DYNC2I1: variants seen among roughly 807,000 people sequenced by gnomAD.
The protein encoded by DYNC2I1 is cytoplasmic dynein 2 intermediate chain 1.
In DYNC2I1, 89 loss-of-function variants were observed where a neutral mutation model predicts 133.4. The ratio of observed to expected loss-of-function variants is 0.67; its 90% CI spans 0.56 to 0.80. The LOEUF (loss-of-function observed/expected upper bound fraction) is 0.80, where lower values mean the gene tolerates loss of function less well. Among genes scored for constraint, DYNC2I1 ranks in the 30% least tolerant of loss-of-function variants. DYNC2I1 has a pLI of 0.00. For missense variants in DYNC2I1, 1,291 were observed against 1,314.5 expected (o/e 0.98, Z 0.28); for synonymous variants, 504 against 484.3 (o/e 1.04, Z -0.54).
At chr7:158,889,618 G>A (rs2129481888) in intron 7 of DYNC2I1, among the ~76,000 whole-genome samples, 1 of 151,942 alleles carries the variant, frequency 6.6e-6, no homozygotes, top group East Asian at 1.9e-4. Flanking sequence ...ATTTTATTTT[G>A]TATTTTTATT....
Position 158,887,041 on chromosome 7 carries a change from G to A in DYNC2I1, c.956G>A (p.Arg319Lys), listed in dbSNP as rs755049023. ...TCCAGGCATGCTGAGAATTTAGTAA[G>A]GAATCATGGAAAAGATAAAGATTCA... is the stretch of plus-strand genomic sequence containing the variant. ...TSSQHAENLV[R>K]NHGKDKDSRR... Residue 319 changes from arginine to lysine, a missense_variant, in exon 7 of 25, where the codon AGG becomes AAG. Arg to Lys is a conservative substitution (Grantham distance 26, BLOSUM62 2). Transcript: ENST00000407559. 13 of 1,613,936 alleles carry A rather than the reference G, an allele frequency of 8.1e-6. 1 individual carries two copies. The South Asian group carries it at 1.4e-4, about 18-fold the overall frequency.
downstream of DYNC2I1, among the ~76,000 whole-genome samples, chr7:158,948,092 C>T (rs1447660292): frequency 3.3e-5 from 5 of 152,194 alleles, no homozygotes; most frequent in African/African-American, 1.2e-4. Flanking sequence ...CTGGCGCTAG[C>T]GATGCCTCCG....
At chr7:158,914,186 T>G (rs1847777042) in intron 13 of DYNC2I1, 47 bp from the exon 14 acceptor site, 2 of 1,499,068 alleles carry the variant, frequency 1.3e-6, no homozygotes, top group Non-Finnish European at 1.8e-6. Flanking sequence ...AATGCATGAT[T>G]ATTTTAGAGT....
At chr7:158,893,982 CAT>C (rs1316901587) in intron 8 of DYNC2I1, among the ~76,000 whole-genome samples, 1 of 152,130 alleles carries the variant, frequency 6.6e-6, no homozygotes, top group Non-Finnish European at 1.5e-5. Context: ...TATTGTAATG[CAT>C]GTCACACCAC....
chr7:158,867,289 T>G (rs574811081), intron 1 of DYNC2I1, among the ~76,000 whole-genome samples: 1 of 152,304 alleles, frequency 6.6e-6, no homozygotes, highest in Non-Finnish European at 1.5e-5. Flanking sequence ...CATGAAGCTC[T>G]GTTGTACCGG....
At position 158,914,319 on chromosome 7, in the gene DYNC2I1, C is replaced by G. The variant is rs529363455; in HGVS notation, c.1789C>G (p.Gln597Glu). The G allele has an allele frequency of 9.9e-6, 16 of 1,608,426 alleles. No individual in the cohort carries two copies. The South Asian group carries it at 1.7e-4, about 17-fold the overall frequency. ...ATGTAGCTTTCTGCGGGCTGCTTGT[C>G]AGGTATACTCAACCTATATATGTTG... ...RLCSFLRAAC[Q>E]VMAVLLEEDR... The change falls in exon 14 of 25, where the codon CAG (glutamine) becomes GAG (glutamate). Residue 597 changes from glutamine to glutamate, a missense_variant and splice_region_variant. Physicochemically the swap from Gln to Glu is conservative, Grantham distance 29. Coordinates refer to ENST00000407559, the MANE Select transcript of DYNC2I1 (RefSeq NM_018051.5).
intron 7 of DYNC2I1, among the ~76,000 whole-genome samples, chr7:158,888,588 G>C (rs990777919): frequency 6.6e-6 from 1 of 151,854 alleles, no homozygotes; most frequent in African/African-American, 2.4e-5. Context: ...TCGTGCCTCA[G>C]CCTCCTGAAT....
In DYNC2I1 at chr7:158,946,056, G is replaced by C; in HGVS notation, c.*277G>C. On this transcript the variant is annotated 3_prime_UTR_variant, in exon 25 of 25. Transcript: ENST00000407559. Reference sequence around the variant, plus strand: ...CTGAGAGTATTTCGAGTTATTTTTAGAACAGTTTAAATATTGTCACATTAC... The same window carrying C: ...CTGAGAGTATTTCGAGTTATTTTTACAACAGTTTAAATATTGTCACATTAC... 3.6e-6 allele frequency: 1 copy of C among 281,156 alleles called. No individual in the cohort carries two copies. The highest frequency in any genetic ancestry group is 6.6e-6 in the Non-Finnish European group (1 of 152,218). The allele number at this position is 281,156 out of a possible 1,614,324, so 17.4% of individuals were successfully genotyped here.
intron 5 of DYNC2I1, 68 bp downstream of exon 5, chr7:158,880,057 C>A (rs191819612): frequency 4.0e-6 from 6 of 1,512,110 alleles, no homozygotes; most frequent in Non-Finnish European, 4.4e-6. Flanking sequence ...GGAGGCTTAC[C>A]GGGCGGTGTC....
rs778461675 is a variant in DYNC2I1, at chr7:158,941,972, GTTTCCGCTCC to G, written c.2828_2837del (p.Phe943CysfsTer90). 3 of 1,612,746 alleles carry G rather than the reference GTTTCCGCTCC, an allele frequency of 1.9e-6. No individual in the cohort carries two copies. The highest frequency in any genetic ancestry group is 2.5e-6 in the Non-Finnish European group (3 of 1,179,524). ...TCAGGCTGCACCAGCTGAGCTCCGC[GTTTCCGCTCC>G]TGCAGTGGGACAGCAGCACGGACAG... On this transcript the variant is annotated frameshift_variant, in exon 24 of 25. Coordinates refer to ENST00000407559, the MANE Select transcript of DYNC2I1 (RefSeq NM_018051.5). LOFTEE classifies it high-confidence loss of function.
At chr7:158,866,276 G>T (rs1204686133) in intron 1 of DYNC2I1, among the ~76,000 whole-genome samples, 1 of 151,616 alleles carries the variant, frequency 6.6e-6, no homozygotes, top group Non-Finnish European at 1.5e-5. Flanking sequence ...CCCTCTCTGT[G>T]GTGCCCATGT....
chr7:158,839,612 GA>G, the DYNC2I1 span, among the ~76,000 whole-genome samples: 2 of 152,214 alleles, frequency 1.3e-5, no homozygotes, highest in Non-Finnish European at 2.9e-5. Context: ...GAGGTCAGGA[GA>G]TCGAGACCAT....
At chr7:158,932,906 T>A (rs1850368600) in intron 21 of DYNC2I1, among the ~76,000 whole-genome samples, 1 of 152,148 alleles carries the variant, frequency 6.6e-6, no homozygotes, top group African/African-American at 2.4e-5. Context: ...CATGTCTGGT[T>A]GGTGACTGGG....
intron 1 of DYNC2I1, among the ~76,000 whole-genome samples, chr7:158,860,638 G>A (rs1272055174): frequency 6.6e-6 from 1 of 152,016 alleles, no homozygotes; most frequent in Non-Finnish European, 1.5e-5. Flanking sequence ...AATTTTTATG[G>A]TCAATGAAAA....
intron 10 of DYNC2I1, among the ~76,000 whole-genome samples, chr7:158,905,779 G>A (rs1846739800): frequency 6.6e-6 from 1 of 152,116 alleles, no homozygotes; most frequent in Non-Finnish European, 1.5e-5. Flanking sequence ...TACAATAGAT[G>A]ATCAGTAAAT....
intron 14 of DYNC2I1, among the ~76,000 whole-genome samples, chr7:158,916,789 C>T (rs1406904612): frequency 7.3e-5 from 3 of 40,874 alleles, no homozygotes; most frequent in African/African-American, 1.9e-4. Flanking sequence ...AACGTCGACA[C>T]GCTGGTTGAC....
chr7:158,906,194 G>T (rs1414506231), intron 11 of DYNC2I1, 103 bp downstream of exon 11: 8 of 973,388 alleles, frequency 8.2e-6, no homozygotes, highest in African/African-American at 1.7e-5. Flanking sequence ...TTTTACTACT[G>T]TTTTTTGGGG....
chr7:158,929,072 T>C (rs1415909645), intron 20 of DYNC2I1, among the ~76,000 whole-genome samples: 3 of 152,204 alleles, frequency 2.0e-5, no homozygotes, highest in African/African-American at 4.8e-5. Context: ...CATTTTAAAA[T>C]ATTGATGTAT....
chr7:158,902,999 G>A (rs571269511), intron 10 of DYNC2I1: 20 of 175,126 alleles, frequency 1.1e-4, no homozygotes, highest in Non-Finnish European at 2.0e-4. Context: ...TGCAACCAGC[G>A]TTTTATCCGT....
Sources: gnomAD v4.1 joint callset for allele counts (sites outside exome capture counted in the v4.1 genomes callset) on GRCh38, gnomAD v4.1.1 for gene constraint, MANE v1.5 for transcripts, NCBI Gene and HGNC (gene_info 2026-07-23, HGNC 2026-07-21) for gene names.